Variants in MYRIP observed in about 807,000 individuals in gnomAD.
MYRIP encodes the protein myosin VIIA and Rab interacting protein, also known as rab effector MyRIP.
In MYRIP, 49 loss-of-function variants were observed where a neutral mutation model predicts 98.0. The ratio of observed to expected loss-of-function variants is 0.50; its 90% CI spans 0.40 to 0.63. MYRIP has a LOEUF of 0.63. Ranked by LOEUF, MYRIP falls within the 30% of genes least tolerant of loss-of-function variation. The pLI, the probability that MYRIP is intolerant of heterozygous loss-of-function variation, is 0.00. For synonymous variants in MYRIP, 404 were observed against 409.5 expected (o/e 0.99, Z 0.16); for missense variants, 1,004 against 1,058.2 (o/e 0.95, Z 0.71).
Position 40,212,552 on chromosome 3 carries a change from T to C in MYRIP, c.1905+2459T>C, listed in dbSNP as rs114967972. ...GGGAGGCCAAGGCAGGCAGATCGCT[T>C]GAGCCTAGGATTTTCAGACCAGCCT... On this transcript the variant is annotated intron_variant, in intron 11 of 16. Coordinates refer to ENST00000302541, the MANE Select transcript of MYRIP (RefSeq NM_015460.4). Among the ~76,000 whole-genome samples the C allele has an allele frequency of 2.0e-3, 308 of 152,196 alleles. 2 individuals carry two copies. The highest frequency in any genetic ancestry group is 7.0e-3 in the African/African-American group (290 of 41,544).
Position 40,170,904 on chromosome 3 carries a change from C to A in MYRIP, c.873+811C>A, listed in dbSNP as rs559906758. Among the ~76,000 whole-genome samples the A allele has an allele frequency of 2.6e-5, 4 of 152,304 alleles. No homozygotes were observed. The South Asian group carries it at 8.3e-4, about 32-fold the overall frequency. ...AGGGGTCTAGTGGCATTCATCCCTGCATGAGCAGATTAAAACGAGGGCATG... is the reference window on the plus strand; with the variant it reads ...AGGGGTCTAGTGGCATTCATCCCTGAATGAGCAGATTAAAACGAGGGCATG... On this transcript the variant is annotated intron_variant, in intron 8 of 16. Transcript: ENST00000302541.
At chr3:40,031,749 C>T (rs1217397380) in intron 2 of MYRIP, among the ~76,000 whole-genome samples, 1 of 152,174 alleles carries the variant, frequency 6.6e-6, no homozygotes, top group Non-Finnish European at 1.5e-5. Flanking sequence ...TTATCCATTT[C>T]TTCTAGATTT....
intron 2 of MYRIP, among the ~76,000 whole-genome samples, chr3:39,995,371 C>G (rs952575725): frequency 6.6e-6 from 1 of 152,084 alleles, no homozygotes; most frequent in African/African-American, 2.4e-5. Context: ...AACCATGGCA[C>G]GATAACTACA....
chr3:39,927,461 C>A (rs1336730773), intron 2 of MYRIP, among the ~76,000 whole-genome samples: 1 of 151,768 alleles, frequency 6.6e-6, no homozygotes, highest in African/African-American at 2.4e-5. Context: ...GGACAAATTC[C>A]TGGAAATGTA....
chr3:40,086,430 A>G (rs1458569248), intron 3 of MYRIP, among the ~76,000 whole-genome samples: 1 of 152,176 alleles, frequency 6.6e-6, no homozygotes, highest in Admixed American at 6.5e-5. Flanking sequence ...AGACTGTGGT[A>G]GAGGGGTTTT....
intron 2 of MYRIP, among the ~76,000 whole-genome samples, chr3:39,991,367 A>T (rs1390702074): frequency 6.6e-6 from 1 of 152,194 alleles, no homozygotes. Context: ...TTCAGAATTC[A>T]TAGAGGTAAA....
chr3:40,169,907 G>T, intron 7 of MYRIP, 43 bp from the exon 8 acceptor site: 3 of 1,612,946 alleles, frequency 1.9e-6, no homozygotes, highest in Non-Finnish European at 2.5e-6. Context: ...GCATCAGGAG[G>T]CCTCTCCAAT....
At chr3:39,871,306 T>C (rs1011808181) in intron 1 of MYRIP, among the ~76,000 whole-genome samples, 1 of 152,230 alleles carries the variant, frequency 6.6e-6, no homozygotes, top group Non-Finnish European at 1.5e-5. Context: ...TGCCAGTCAC[T>C]TAAAATTTAA....
At chr3:40,044,009 G>A (rs1947609702) in intron 2 of MYRIP, 41 bp from the exon 3 acceptor site, 1 of 1,593,402 alleles carries the variant, frequency 6.3e-7, no homozygotes, top group Non-Finnish European at 8.6e-7. Context: ...CTGATGTTGT[G>A]TTTCTCTCCT....
intron 12 of MYRIP, among the ~76,000 whole-genome samples, chr3:40,235,594 C>T (rs1328609652): frequency 1.3e-5 from 2 of 152,190 alleles, no homozygotes; most frequent in Admixed American, 1.3e-4. Flanking sequence ...GGTGATTTTG[C>T]TTTACTGAAA....
chr3:40,216,018 G>A (rs530962843), intron 11 of MYRIP, among the ~76,000 whole-genome samples: 2 of 152,332 alleles, frequency 1.3e-5, no homozygotes, highest in African/African-American at 4.8e-5. Flanking sequence ...GGAAGGGCCT[G>A]CCAGGCCAGG....
At chr3:40,050,170 A>G (rs1011814110) in intron 3 of MYRIP, among the ~76,000 whole-genome samples, 1 of 152,196 alleles carries the variant, frequency 6.6e-6, no homozygotes, top group African/African-American at 2.4e-5. Flanking sequence ...CAATGTTGAC[A>G]AAACAGCCTT....
intron 11 of MYRIP, among the ~76,000 whole-genome samples, chr3:40,224,059 A>T (rs1407716763): frequency 6.6e-6 from 1 of 152,190 alleles, no homozygotes; most frequent in Non-Finnish European, 1.5e-5. Context: ...CAAGGGACAG[A>T]TAGAGCCAAG....
rs143486472 is a variant in MYRIP at position 40,213,456 on chromosome 3, G to A, written c.1905+3363G>A. Among the ~76,000 whole-genome samples the A allele has an allele frequency of 3.0e-3, 457 of 152,312 alleles. 4 individuals are homozygous for A. Among genetic ancestry groups the A allele is most frequent in the African/African-American group, 9.0e-3 (373 of 41,578 alleles). On this transcript the variant is annotated intron_variant, in intron 11 of 16. Transcript: ENST00000302541. ...GTGCTGATCCCCATCAACACTTGCA[G>A]TGTCATGCTGTGGGTCTGTAACTAC...
chr3:40,166,285 T>C (rs1020132111), intron 5 of MYRIP, among the ~76,000 whole-genome samples: 2 of 152,202 alleles, frequency 1.3e-5, no homozygotes, highest in Non-Finnish European at 2.9e-5. Flanking sequence ...TCTGAGAAAG[T>C]AGATAAAGAA....
At chr3:40,162,638 TG>T in intron 4 of MYRIP, 91 bp from the exon 5 acceptor site, 1 of 1,086,588 alleles carries the variant, frequency 9.2e-7, no homozygotes, top group Non-Finnish European at 1.4e-6. Context: ...TGTGTAATAG[TG>T]GTCTGCCAGT....
chr3:39,863,228 C>G (rs1942522067), intron 1 of MYRIP, among the ~76,000 whole-genome samples: 1 of 151,866 alleles, frequency 6.6e-6, no homozygotes, highest in Non-Finnish European at 1.5e-5. Flanking sequence ...AATTAACAAG[C>G]TTACCATACC....
chr3:39,843,177 A>G (rs865909687), intron 1 of MYRIP, among the ~76,000 whole-genome samples: 3 of 152,224 alleles, frequency 2.0e-5, no homozygotes, highest in Non-Finnish European at 4.4e-5. Context: ...ATCTAATAGG[A>G]TATTATCTAG....
At chr3:39,916,984 T>A (rs1944178665) in intron 2 of MYRIP, among the ~76,000 whole-genome samples, 1 of 151,858 alleles carries the variant, frequency 6.6e-6, no homozygotes, top group African/African-American at 2.4e-5. Flanking sequence ...TAATGGCTGA[T>A]ATAAAAACCC....
Sources: allele counts gnomAD v4.1 joint callset (sites outside exome capture counted in the v4.1 genomes callset), GRCh38; gene constraint gnomAD v4.1.1; transcripts MANE v1.5; gene names NCBI Gene and HGNC (gene_info 2026-07-23, HGNC 2026-07-21).